The following SLC30A8 variants were observed in gnomAD, a reference collection of about 807,000 sequenced individuals.
SLC30A8 encodes the protein proton-coupled zinc antiporter SLC30A8.
In SLC30A8, 27 loss-of-function variants were observed where a neutral mutation model predicts 36.9. The ratio of observed to expected loss-of-function variants is 0.73; its 90% CI spans 0.54 to 1.01. The LOEUF (loss-of-function observed/expected upper bound fraction) is 1.01, where lower values mean the gene tolerates loss of function less well. Ranked by LOEUF, SLC30A8 falls within the 50% of genes least tolerant of loss-of-function variation. The pLI, the probability that SLC30A8 is intolerant of heterozygous loss-of-function variation, is 0.00. For synonymous variants in SLC30A8, 164 were observed against 172.4 expected (o/e 0.95, Z 0.38); for missense variants, 439 against 452.0 (o/e 0.97, Z 0.26).
In SLC30A8 at chr8:116,957,082, A is replaced by G. The variant is rs147753916; in HGVS notation, c.-266+5963A>G. Reference sequence around the variant, plus strand: ...TAATTAAGAAAGACCCTGTCAGGGTACAGATGGTCTTACACATAAAAAAGT... The same window carrying G: ...TAATTAAGAAAGACCCTGTCAGGGTGCAGATGGTCTTACACATAAAAAAGT... On this transcript the variant is annotated intron_variant, in intron 1 of 10. Transcript: ENST00000427715. 3.3e-5 allele frequency among the ~76,000 whole-genome samples: 5 copies of G among 152,330 alleles called. No homozygotes were observed. In the East Asian group the frequency reaches 9.7e-4, roughly 29 times the overall value.
At chr8:116,961,418 G>A (rs1264191757) in intron 1 of SLC30A8, among the ~76,000 whole-genome samples, 6 of 152,044 alleles carry the variant, frequency 3.9e-5, no homozygotes, top group Non-Finnish European at 2.9e-5. Flanking sequence ...AAAAGAGCAA[G>A]ACTCCGTCTC....
chr8:117,023,675 A>G (rs1437057319), intron 1 of SLC30A8, among the ~76,000 whole-genome samples: 3 of 144,552 alleles, frequency 2.1e-5, no homozygotes, highest in South Asian at 2.3e-4. Flanking sequence ...GAACAATGAG[A>G]ACTCATGGAC....
chr8:117,174,004 C>G lies in SLC30A8; in HGVS notation c.*1323C>G, dbSNP rs1823537371. ...GGAAGACGAAGAAGAGAAGGACATTCTAGGCAAAAAGAAGACTAGGCACAA... is the reference window on the plus strand; with the variant it reads ...GGAAGACGAAGAAGAGAAGGACATTGTAGGCAAAAAGAAGACTAGGCACAA... On this transcript the variant is annotated 3_prime_UTR_variant, in exon 8 of 8. Transcript: ENST00000456015. 1 of 152,112 alleles carries G rather than the reference C, an allele frequency of 6.6e-6. No homozygotes were observed. The highest frequency in any genetic ancestry group is 2.1e-4 in the South Asian group (1 of 4,830). The allele number at this position is 152,112 out of a possible 1,614,324, so 9.4% of individuals were successfully genotyped here.
chr8:117,013,272 A>G (rs1265811800), intron 1 of SLC30A8, among the ~76,000 whole-genome samples: 1 of 152,090 alleles, frequency 6.6e-6, no homozygotes, highest in Admixed American at 6.6e-5. Context: ...TCTTTTTGTG[A>G]ATTTTGCTTT....
chr8:117,097,178 T>A (rs1217057336), intron 2 of SLC30A8, among the ~76,000 whole-genome samples: 2 of 151,286 alleles, frequency 1.3e-5, no homozygotes, highest in Non-Finnish European at 2.9e-5. Flanking sequence ...GGTGGGCAGA[T>A]CACGAGGTCA....
chr8:117,142,348 T>C (rs910865961), intron 1 of SLC30A8, among the ~76,000 whole-genome samples: 7 of 152,236 alleles, frequency 4.6e-5, no homozygotes, highest in Admixed American at 4.6e-4. Context: ...TTTGATCTTT[T>C]ACACTCTAGT....
At chr8:117,107,758 T>C (rs1453457686) in intron 2 of SLC30A8, among the ~76,000 whole-genome samples, 3 of 152,228 alleles carry the variant, frequency 2.0e-5, no homozygotes, top group Non-Finnish European at 4.4e-5. Context: ...AAACCAGTAA[T>C]AACTAACCCT....
chr8:117,020,263 C>T (rs937611939), intron 1 of SLC30A8, among the ~76,000 whole-genome samples: 2 of 151,876 alleles, frequency 1.3e-5, no homozygotes, highest in African/African-American at 4.8e-5. Context: ...ATTTTATAGG[C>T]CCATTCTACA....
At chr8:116,979,690 G>A (rs6469666) in intron 1 of SLC30A8, among the ~76,000 whole-genome samples, 152,093 of 152,320 alleles carry the variant, frequency 1, 75,935 homozygotes, top group Middle Eastern at 1. Context: ...AACGCAAGTG[G>A]ATTCTTCATG....
rs183424978 is a variant in SLC30A8, at chr8:117,029,860, G to T, written c.-265-9359G>T. Among the ~76,000 whole-genome samples, 340 of 152,318 alleles carry T rather than the reference G, an allele frequency of 2.2e-3. 2 individuals are homozygous for T. Among genetic ancestry groups the T allele is most frequent in the African/African-American group, 7.9e-3 (330 of 41,568 alleles). ...TGAAGATAAATTCACTCTTTGAGTA[G>T]TCACTTGGAAACCAATTATTAGACA... On this transcript the variant is annotated intron_variant, in intron 1 of 10. Coordinates refer to the SLC30A8 transcript ENST00000427715.
chr8:116,962,010 G>A (rs1449532050), intron 1 of SLC30A8, among the ~76,000 whole-genome samples: 6 of 151,936 alleles, frequency 3.9e-5, no homozygotes, highest in Non-Finnish European at 1.5e-5. Context: ...AATCACAGCA[G>A]TCAGTACTTG....
chr8:117,014,922 C>T (rs1007324404), intron 1 of SLC30A8, among the ~76,000 whole-genome samples: 3 of 152,002 alleles, frequency 2.0e-5, no homozygotes, highest in Non-Finnish European at 2.9e-5. Flanking sequence ...TCTGTTGTCT[C>T]AGTAATTGGC....
intron 2 of SLC30A8, among the ~76,000 whole-genome samples, chr8:117,096,399 C>T (rs1461665341): frequency 6.6e-6 from 1 of 152,130 alleles, no homozygotes; most frequent in Non-Finnish European, 1.5e-5. Flanking sequence ...ACTTGCTGTT[C>T]CACATCTCAC....
rs1379952797 is a variant in SLC30A8 at position 117,102,607 on chromosome 8, C to G, written c.-225-32673C>G. 2.0e-5 allele frequency among the ~76,000 whole-genome samples: 3 copies of G among 152,324 alleles called. No individual in the cohort carries two copies. In the East Asian group the frequency reaches 5.8e-4, roughly 29 times the overall value. On this transcript the variant is annotated intron_variant, in intron 2 of 10. Transcript: ENST00000427715. The stretch of plus-strand genomic sequence containing the variant: ...CAAGCCATCAACAGAGACATGCTCA[C>G]TCCAAAGGCTCTAGGGAAGACTTCT...
At chr8:117,136,000 T>G (rs1228968039) in intron 1 of SLC30A8, among the ~76,000 whole-genome samples, 1 of 151,898 alleles carries the variant, frequency 6.6e-6, no homozygotes, top group African/African-American at 2.4e-5. Context: ...GAACTTATAA[T>G]GAGAAAGAAA....
intron 6 of SLC30A8, among the ~76,000 whole-genome samples, chr8:117,167,052 G>A (rs1042087476): frequency 6.6e-6 from 1 of 151,988 alleles, no homozygotes; most frequent in Non-Finnish European, 1.5e-5. Flanking sequence ...TCTTTCCTGA[G>A]TGCCGAATGC....
chr8:117,070,220 T>C (rs1174097736), intron 2 of SLC30A8, among the ~76,000 whole-genome samples: 1 of 152,170 alleles, frequency 6.6e-6, no homozygotes, highest in East Asian at 1.9e-4. Flanking sequence ...TTTTCTCTCA[T>C]GATTCTGTGG....
At chr8:117,031,535 A>T (rs961774233) in intron 1 of SLC30A8, among the ~76,000 whole-genome samples, 1 of 150,648 alleles carries the variant, frequency 6.6e-6, no homozygotes, top group Non-Finnish European at 1.5e-5. Context: ...ATCTCGGCTC[A>T]TTGCAACCTC....
intron 2 of SLC30A8, among the ~76,000 whole-genome samples, chr8:117,119,877 C>T (rs940681492): frequency 2.0e-5 from 3 of 151,804 alleles, no homozygotes; most frequent in African/African-American, 4.8e-5. Flanking sequence ...AGAAAACAAT[C>T]CCATTTACAA....
Sources: gnomAD v4.1 joint callset for allele counts (sites outside exome capture counted in the v4.1 genomes callset) on GRCh38, gnomAD v4.1.1 for gene constraint, MANE v1.5 for transcripts, NCBI Gene and HGNC (gene_info 2026-07-23, HGNC 2026-07-21) for gene names.